The following PTPRD variants were observed in gnomAD, a reference collection of about 807,000 sequenced individuals.
PTPRD encodes protein tyrosine phosphatase receptor type D, also known as receptor-type tyrosine-protein phosphatase delta.
In PTPRD, 34 loss-of-function variants were observed where a neutral mutation model predicts 214.5. The observed-to-expected ratio is 0.16, with a 90% CI of 0.12 to 0.21. PTPRD has a LOEUF of 0.21. PTPRD is among the 10% of genes least tolerant of loss of function. PTPRD has a pLI of 1.00. For synonymous variants in PTPRD, 1,128 were observed against 845.7 expected, an observed-to-expected ratio of 1.33 and a Z score of -5.79; for missense variants, 2,545 against 2,398.7, an observed-to-expected ratio of 1.06 and a Z score of -1.27.
chr9:9,687,173 A>G (rs1190556757), intron 7 of PTPRD, among the ~76,000 whole-genome samples: 1 of 151,892 alleles, frequency 6.6e-6, no homozygotes, highest in African/African-American at 2.4e-5. Context: ...ATCATTAACC[A>G]TAAAGGCACA....
chr9:10,098,634 A>T (rs1336556513), intron 3 of PTPRD, among the ~76,000 whole-genome samples: 1 of 151,798 alleles, frequency 6.6e-6, no homozygotes. Context: ...AAAAGAGCAG[A>T]ACACAGTTTT....
chr9:10,269,081 C>T (rs1450277920), intron 3 of PTPRD, among the ~76,000 whole-genome samples: 1 of 152,198 alleles, frequency 6.6e-6, no homozygotes, highest in Non-Finnish European at 1.5e-5. Flanking sequence ...TAAAAGTTCA[C>T]ATGCTCAAAC....
intron 9 of PTPRD, among the ~76,000 whole-genome samples, chr9:9,365,098 C>T (rs2057485968): frequency 6.6e-6 from 1 of 151,426 alleles, no homozygotes; most frequent in Admixed American, 6.6e-5. Flanking sequence ...CTGGAGAACA[C>T]TGAGTAATAT....
rs761663164 is a variant in PTPRD, at chr9:8,460,310, T to G, written c.3875+101A>C. 2.1e-5 allele frequency: 29 copies of G among 1,362,368 alleles called. No individual in the cohort carries two copies. In the East Asian group the frequency reaches 6.6e-4, roughly 31 times the overall value. The allele number at this position is 1,362,368 out of a possible 1,614,324, so 84.4% of individuals were successfully genotyped here. A position where few individuals can be genotyped will look rare whatever the true frequency, so the allele number is the denominator to read the frequency against. On this transcript the variant is annotated intron_variant, in intron 33 of 45. Coordinates refer to ENST00000381196, the MANE Select transcript of PTPRD (RefSeq NM_002839.4). ...AAATAATTGAAATGGCACTGAAGTA[T>G]TTCTACTAAAATCAACCACCTAAGG...
chr9:9,963,401 G>C (rs894424078), intron 4 of PTPRD, among the ~76,000 whole-genome samples: 2 of 148,796 alleles, frequency 1.3e-5, no homozygotes, highest in African/African-American at 5.2e-5. Flanking sequence ...GCCTCTAAGT[G>C]TAAATAGTTT....
intron 3 of PTPRD, among the ~76,000 whole-genome samples, chr9:10,151,477 G>C (rs1249378932): frequency 6.6e-6 from 1 of 151,802 alleles, no homozygotes; most frequent in Non-Finnish European, 1.5e-5. Flanking sequence ...TGACCAGGCT[G>C]ATCTCGAACT....
intron 8 of PTPRD, among the ~76,000 whole-genome samples, chr9:9,428,811 C>T (rs1307653938): frequency 6.6e-6 from 1 of 152,074 alleles, no homozygotes. Flanking sequence ...CTACTGGGTA[C>T]ATAAAGAAAT....
chr9:9,318,331 AAG>A (rs1445855654), intron 9 of PTPRD, among the ~76,000 whole-genome samples: 1 of 152,046 alleles, frequency 6.6e-6, no homozygotes, highest in Non-Finnish European at 1.5e-5. Flanking sequence ...TGTGCTAGTT[AAG>A]AGTCAGGAAA....
chr9:10,220,393 A>G (rs1251405939), intron 3 of PTPRD, among the ~76,000 whole-genome samples: 3 of 152,078 alleles, frequency 2.0e-5, no homozygotes, highest in Admixed American at 6.6e-5. Flanking sequence ...CAAATACTTT[A>G]AACTACTCAC....
At chr9:10,171,899 T>A (rs1053125989) in intron 3 of PTPRD, among the ~76,000 whole-genome samples, 1 of 152,152 alleles carries the variant, frequency 6.6e-6, no homozygotes, top group Admixed American at 6.5e-5. Flanking sequence ...CCAGGAATAG[T>A]AGGCAGTAGA....
At chr9:10,347,830 G>A (rs1180140863) in intron 2 of PTPRD, among the ~76,000 whole-genome samples, 1 of 152,066 alleles carries the variant, frequency 6.6e-6, no homozygotes, top group Non-Finnish European at 1.5e-5. Context: ...GGCCGAGGCA[G>A]GAGGATCATC....
chr9:8,832,185 T>C (rs1280305308), intron 11 of PTPRD, among the ~76,000 whole-genome samples: 2 of 151,692 alleles, frequency 1.3e-5, no homozygotes, highest in South Asian at 2.1e-4. Flanking sequence ...CTAAATATAT[T>C]TAAGAATCCT....
At chr9:8,638,401 C>G (rs2096494560) in intron 12 of PTPRD, among the ~76,000 whole-genome samples, 1 of 152,028 alleles carries the variant, frequency 6.6e-6, no homozygotes, top group Non-Finnish European at 1.5e-5. Context: ...GGATTCCTAT[C>G]TAAGCTCCAC....
At chr9:9,340,421 T>C (rs1007456162) in intron 9 of PTPRD, among the ~76,000 whole-genome samples, 2 of 152,216 alleles carry the variant, frequency 1.3e-5, no homozygotes, top group Non-Finnish European at 2.9e-5. Context: ...TTAATTATGC[T>C]TATTATACAT....
intron 7 of PTPRD, among the ~76,000 whole-genome samples, chr9:9,630,628 G>C (rs192491710): frequency 6.0e-4 from 92 of 152,316 alleles, no homozygotes; most frequent in African/African-American, 2.0e-3. Flanking sequence ...TGATGAAAAA[G>C]AGGAGAGTCA....
intron 7 of PTPRD, among the ~76,000 whole-genome samples, chr9:9,649,955 A>G (rs140034115): frequency 3.9e-5 from 6 of 152,336 alleles, no homozygotes; most frequent in African/African-American, 1.4e-4. Flanking sequence ...GATAGAAAAA[A>G]TGAAACGGAG....
intron 10 of PTPRD, among the ~76,000 whole-genome samples, chr9:9,087,420 G>A (rs929562458): frequency 1.3e-5 from 2 of 152,294 alleles, no homozygotes; most frequent in Admixed American, 1.3e-4. Context: ...GAAAAACTGT[G>A]AGAAGGTCCG....
intron 2 of PTPRD, among the ~76,000 whole-genome samples, chr9:10,461,941 A>T (rs1314428384): frequency 1.3e-5 from 2 of 152,124 alleles, no homozygotes; most frequent in South Asian, 4.1e-4. Context: ...TGTATGTGAA[A>T]TTTTAAAAAA....
chr9:10,161,681 C>A (rs1590348), intron 3 of PTPRD, among the ~76,000 whole-genome samples: 9,167 of 151,696 alleles, frequency 0.06, 354 homozygotes, highest in Admixed American at 0.1. Context: ...CATTGCAAGC[C>A]ATAATAGCTG....
Sources: gnomAD v4.1 joint callset for allele counts (sites outside exome capture counted in the v4.1 genomes callset) on GRCh38, gnomAD v4.1.1 for gene constraint, MANE v1.5 for transcripts, NCBI Gene and HGNC (gene_info 2026-07-23, HGNC 2026-07-21) for gene names.